HMGCLL1: variants seen among roughly 807,000 people sequenced by gnomAD.
HMGCLL1 encodes 3-hydroxymethyl-3-methylglutaryl-CoA lyase, cytoplasmic.
HMGCLL1 carries 36 observed loss-of-function variants against 39.1 expected under a neutral mutation model. The observed-to-expected ratio is 0.92, with a 90% CI of 0.71 to 1.22. The LOEUF (loss-of-function observed/expected upper bound fraction) is 1.22. Among genes scored for constraint, HMGCLL1 ranks in the 50% most tolerant of loss-of-function variants. The probability of loss-of-function intolerance (pLI) is 0.00; values close to 1 mark genes in which losing one functional copy is unlikely to be tolerated. For missense variants in HMGCLL1, 451 were observed against 416.5 expected (o/e 1.08, Z -0.72); for synonymous variants, 149 against 144.0 (o/e 1.03, Z -0.25).
intron 1 of HMGCLL1, among the ~76,000 whole-genome samples, chr6:55,556,553 G>A (rs907960171): frequency 1.3e-5 from 2 of 152,088 alleles, no homozygotes; most frequent in African/African-American, 4.8e-5. Context: ...GTGTAAAGAG[G>A]GCCTGGGTAA....
At chr6:55,527,674 A>C (rs912928436) in intron 3 of HMGCLL1, among the ~76,000 whole-genome samples, 3 of 152,182 alleles carry the variant, frequency 2.0e-5, no homozygotes, top group Middle Eastern at 3.4e-3. Flanking sequence ...GACCTCAACA[A>C]ATCTTTTATG....
intron 7 of HMGCLL1, among the ~76,000 whole-genome samples, chr6:55,495,196 G>T (rs1163092491): frequency 6.6e-6 from 1 of 152,136 alleles, no homozygotes; most frequent in African/African-American, 2.4e-5. Flanking sequence ...ATAGATTACA[G>T]ATTTTATCAA....
At chr6:55,667,864 C>A in the HMGCLL1 span, among the ~76,000 whole-genome samples, 1 of 151,546 alleles carries the variant, frequency 6.6e-6, no homozygotes, top group African/African-American at 2.4e-5. Context: ...TCAGGACCGG[C>A]ATTTCTTATA....
chr6:55,465,869 G>A (rs563176336), intron 7 of HMGCLL1, among the ~76,000 whole-genome samples: 29 of 151,892 alleles, frequency 1.9e-4, no homozygotes, highest in African/African-American at 7.0e-4. Context: ...ACTATTTCTT[G>A]TTTTCCATGA....
In HMGCLL1 at chr6:55,528,699, C is replaced by G. The variant is rs1021005974; in HGVS notation, c.298-12096G>C. On this transcript the variant is annotated intron_variant, in intron 3 of 8. Transcript: ENST00000274901. ...CTGCCAAAGCTAAAATAGACTGACA[C>G]CATATTCACAAAACTTCTTAAGTCC... Among the ~76,000 whole-genome samples, 5 of 151,500 alleles carry G rather than the reference C, an allele frequency of 3.3e-5. 1 individual carries two copies. The highest frequency in any genetic ancestry group is 1.2e-4 in the African/African-American group (5 of 41,248).
chr6:55,516,368 G>C (rs1020971503), intron 4 of HMGCLL1, 140 bp downstream of exon 4: 2 of 467,608 alleles, frequency 4.3e-6, no homozygotes, highest in Non-Finnish European at 7.5e-6. Context: ...TGAGGACTTG[G>C]AGCTCTATGT....
upstream of HMGCLL1, among the ~76,000 whole-genome samples, chr6:55,583,169 T>C (rs993516323): frequency 6.6e-6 from 1 of 152,144 alleles, no homozygotes; most frequent in Non-Finnish European, 1.5e-5. Flanking sequence ...TGTAAACTTA[T>C]CTTTGATGAA....
chr6:55,520,177 T>C (rs1297366173), intron 3 of HMGCLL1, among the ~76,000 whole-genome samples: 1 of 150,704 alleles, frequency 6.6e-6, no homozygotes, highest in Non-Finnish European at 1.5e-5. Flanking sequence ...CAGCAAACCA[T>C]CATGGCACAT....
the HMGCLL1 span, among the ~76,000 whole-genome samples, chr6:55,671,651 A>C: frequency 6.6e-6 from 1 of 151,796 alleles, no homozygotes; most frequent in Non-Finnish European, 1.5e-5. Flanking sequence ...TATCAGCTTG[A>C]TCCATTGAGA....
In HMGCLL1 at chr6:55,439,427, A is replaced by G; in HGVS notation, c.921+7T>C. 6.2e-7 allele frequency: 1 copy of G among 1,605,758 alleles called. No homozygotes were observed. The highest frequency in any genetic ancestry group is 8.5e-7 in the Non-Finnish European group (1 of 1,174,572). Reference sequence around the variant, plus strand: ...CATGAATATTAAAATACGTTAAAGTAACTTACTGTATTGAGCCCCAGGCCA... The same window carrying G: ...CATGAATATTAAAATACGTTAAAGTGACTTACTGTATTGAGCCCCAGGCCA... On this transcript the variant is annotated splice_region_variant and intron_variant, in intron 8 of 8. Transcript: ENST00000274901.
intron 7 of HMGCLL1, among the ~76,000 whole-genome samples, chr6:55,442,491 C>CTG (rs1763645768): frequency 6.6e-6 from 1 of 152,068 alleles, no homozygotes; most frequent in South Asian, 2.1e-4. Flanking sequence ...GCCAAAGGGA[C>CTG]TGTGGGTTTT....
chr6:55,520,843 CA>C (rs1419229412), intron 3 of HMGCLL1, among the ~76,000 whole-genome samples: 1 of 150,322 alleles, frequency 6.7e-6, no homozygotes, highest in Non-Finnish European at 1.5e-5. Context: ...CACCAGCACA[CA>C]GTCTGGAAAT....
At chr6:55,469,465 A>G (rs575632437) in intron 7 of HMGCLL1, among the ~76,000 whole-genome samples, 2 of 135,896 alleles carry the variant, frequency 1.5e-5, no homozygotes, top group African/African-American at 3.1e-5. Flanking sequence ...ATATGTGTAT[A>G]TATGTGTGTG....
At chr6:55,511,241 C>T (rs998452110) in intron 5 of HMGCLL1, among the ~76,000 whole-genome samples, 18 of 151,874 alleles carry the variant, frequency 1.2e-4, no homozygotes, top group African/African-American at 4.4e-4. Flanking sequence ...AAATAAAATC[C>T]AAACTGCGGA....
the HMGCLL1 span, among the ~76,000 whole-genome samples, chr6:55,657,048 T>C: frequency 0.014 from 2,156 of 152,028 alleles, 43 homozygotes; most frequent in African/African-American, 0.049. Flanking sequence ...GGGGGTTTTG[T>C]TGTTTTTTTT....
At chr6:55,523,305 A>C (rs1228243940) in intron 3 of HMGCLL1, among the ~76,000 whole-genome samples, 1 of 152,008 alleles carries the variant, frequency 6.6e-6, no homozygotes, top group Non-Finnish European at 1.5e-5. Flanking sequence ...AGAAAATCTA[A>C]ATAATCTAAA....
At chr6:55,489,434 C>T (rs1766203242) in intron 7 of HMGCLL1, among the ~76,000 whole-genome samples, 1 of 151,384 alleles carries the variant, frequency 6.6e-6, no homozygotes, top group African/African-American at 2.4e-5. Context: ...ATTTTCTGGC[C>T]TCAATTCTTA....
intron 3 of HMGCLL1, among the ~76,000 whole-genome samples, chr6:55,538,895 C>A (rs938707501): frequency 3.9e-5 from 6 of 151,962 alleles, no homozygotes; most frequent in Non-Finnish European, 5.9e-5. Context: ...AAATTAGTTT[C>A]TTTTGAGGAT....
intron 7 of HMGCLL1, among the ~76,000 whole-genome samples, chr6:55,475,431 G>T (rs1490524671): frequency 6.6e-6 from 1 of 151,500 alleles, no homozygotes; most frequent in African/African-American, 2.4e-5. Flanking sequence ...AGGCAGTTAA[G>T]AAGATCTCAA....
Sources: allele counts gnomAD v4.1 joint callset (sites outside exome capture counted in the v4.1 genomes callset), GRCh38; gene constraint gnomAD v4.1.1; transcripts MANE v1.5; gene names NCBI Gene and HGNC (gene_info 2026-07-23, HGNC 2026-07-21).